NALF1: variants seen among roughly 807,000 people sequenced by gnomAD.
NALF1 encodes the protein family with sequence similarity 155 member A.
Under a neutral mutation model 48.4 loss-of-function variants are expected in NALF1, and 3 were observed. The observed-to-expected ratio is 0.06, with a 90% CI of 0.03 to 0.16. NALF1 has a LOEUF of 0.16. Ranked by LOEUF, NALF1 falls within the 10% of genes least tolerant of loss-of-function variation. The pLI, the probability that NALF1 is intolerant of heterozygous loss-of-function variation, is 1.00. For synonymous variants in NALF1, 262 were observed against 245.7 expected (o/e 1.07, Z -0.62); for missense variants, 526 against 571.5 (o/e 0.92, Z 0.81).
chr13:107,275,246 AT>A (rs943600093), intron 1 of NALF1, among the ~76,000 whole-genome samples: 4 of 152,040 alleles, frequency 2.6e-5, no homozygotes, highest in Non-Finnish European at 5.9e-5. Flanking sequence ...AAGTATCTAT[AT>A]TTTTTTATTT....
intron 1 of NALF1, among the ~76,000 whole-genome samples, chr13:107,415,276 C>A (rs1209651041): frequency 6.6e-6 from 1 of 152,000 alleles, no homozygotes; most frequent in Non-Finnish European, 1.5e-5. Flanking sequence ...CATAGTTAAT[C>A]AAAGAATATA....
intron 1 of NALF1, among the ~76,000 whole-genome samples, chr13:107,508,591 T>C (rs1875775454): frequency 6.6e-6 from 1 of 152,048 alleles, no homozygotes. Flanking sequence ...CTTTCACACA[T>C]TGACAATAAA....
chr13:107,854,284 AG>A (rs1880388629), intron 1 of NALF1, among the ~76,000 whole-genome samples: 1 of 152,262 alleles, frequency 6.6e-6, no homozygotes, highest in African/African-American at 2.4e-5. Context: ...ACCTCCAGAA[AG>A]CAGGTCACTT....
At chr13:107,856,675 T>C (rs541114313) in intron 1 of NALF1, among the ~76,000 whole-genome samples, 1 of 152,186 alleles carries the variant, frequency 6.6e-6, no homozygotes, top group Non-Finnish European at 1.5e-5. Flanking sequence ...GTTATTTTTT[T>C]ATGTGATGGA....
rs574981750 is a variant in NALF1 at position 107,501,996 on chromosome 13, T to A, written c.916-291241A>T. Reference sequence around the variant, plus strand: ...TTGTCATTTGCAGATAATATTTGACTGAGAACAACATGCAGATTGGTTTTA... The same window carrying A: ...TTGTCATTTGCAGATAATATTTGACAGAGAACAACATGCAGATTGGTTTTA... On this transcript the variant is annotated intron_variant, in intron 1 of 2. Coordinates refer to ENST00000375915, the MANE Select transcript of NALF1 (RefSeq NM_001080396.3). 4.5e-4 allele frequency among the ~76,000 whole-genome samples: 68 copies of A among 152,316 alleles called. No homozygotes were observed. The Middle Eastern group carries it at 0.01, about 23-fold the overall frequency.
intron 2 of NALF1, among the ~76,000 whole-genome samples, chr13:107,182,816 C>T (rs1047770009): frequency 2.4e-4 from 36 of 152,058 alleles, no homozygotes; most frequent in African/African-American, 8.2e-4. Flanking sequence ...TCATATATTC[C>T]CTCCATCCCA....
At chr13:107,395,001 T>C (rs1328200488) in intron 1 of NALF1, among the ~76,000 whole-genome samples, 3 of 152,168 alleles carry the variant, frequency 2.0e-5, no homozygotes, top group African/African-American at 7.2e-5. Context: ...CAACATCATT[T>C]TAACTTCACA....
intron 1 of NALF1, among the ~76,000 whole-genome samples, chr13:107,243,801 C>G (rs541816243): frequency 6.6e-6 from 1 of 152,134 alleles, no homozygotes; most frequent in Non-Finnish European, 1.5e-5. Flanking sequence ...AAAGCATAGC[C>G]TCTGCTGTGG....
intron 1 of NALF1, among the ~76,000 whole-genome samples, chr13:107,609,832 T>C (rs1013920475): frequency 1.9e-4 from 29 of 152,118 alleles, no homozygotes; most frequent in African/African-American, 6.8e-4. Flanking sequence ...AGACAAATAA[T>C]AATTACCAAA....
At chr13:107,762,570 A>C (rs1416911880) in intron 1 of NALF1, among the ~76,000 whole-genome samples, 1 of 152,150 alleles carries the variant, frequency 6.6e-6, no homozygotes, top group Non-Finnish European at 1.5e-5. Context: ...TATGGAGGTA[A>C]GGCGGAAGGC....
At position 107,521,159 on chromosome 13, in the gene NALF1, C is replaced by G. The variant is rs528953854; in HGVS notation, c.916-310404G>C. Among the ~76,000 whole-genome samples the G allele has an allele frequency of 2.6e-5, 4 of 152,324 alleles. No individual in the cohort carries two copies. In the East Asian group the frequency reaches 7.7e-4, roughly 29 times the overall value. On this transcript the variant is annotated intron_variant, in intron 1 of 2. Coordinates refer to ENST00000375915, the MANE Select transcript of NALF1 (RefSeq NM_001080396.3). ...TGCATCTTTAAACTGCGATGTGATA[C>G]TGGCTCTAATATAAAGAAATGCATC...
In NALF1 at chr13:107,210,493, T is replaced by C. The variant is rs3751448; in HGVS notation, c.1087+91A>G. 0.4 allele frequency: 359,667 copies of C among 895,116 alleles called. 75,720 individuals carry two copies. The highest frequency in any genetic ancestry group is 0.54 in the East Asian group (22,425 of 41,198). 55.4% of individuals were successfully genotyped at this position (895,116 alleles called of 1,614,324 possible). ...TACCAGCCGCATCTTCAAGGTTATATCAGTGAAAGGAAACAGCAAAGCAAA... is the reference window on the plus strand; with the variant it reads ...TACCAGCCGCATCTTCAAGGTTATACCAGTGAAAGGAAACAGCAAAGCAAA... On this transcript the variant is annotated intron_variant, in intron 2 of 2. Coordinates refer to ENST00000375915, the MANE Select transcript of NALF1 (RefSeq NM_001080396.3).
intron 1 of NALF1, among the ~76,000 whole-genome samples, chr13:107,363,235 T>C (rs1331217596): frequency 6.6e-6 from 1 of 152,208 alleles, no homozygotes; most frequent in Non-Finnish European, 1.5e-5. Context: ...TACAATCTTA[T>C]TCAGAACACT....
At chr13:107,693,461 T>C (rs764017400) in intron 1 of NALF1, among the ~76,000 whole-genome samples, 6 of 152,050 alleles carry the variant, frequency 3.9e-5, no homozygotes, top group Non-Finnish European at 8.8e-5. Context: ...CCCTAGAACT[T>C]AAAGTATAAT....
At chr13:107,759,717 T>C (rs1278629836) in intron 1 of NALF1, among the ~76,000 whole-genome samples, 1 of 151,986 alleles carries the variant, frequency 6.6e-6, no homozygotes, top group Admixed American at 6.6e-5. Flanking sequence ...TCTCTGTCCA[T>C]CCTCTCTGTT....
In NALF1 at chr13:107,791,004, AC is replaced by A. The variant is rs145589768; in HGVS notation, c.915+74677del. 3.8e-3 allele frequency among the ~76,000 whole-genome samples: 583 copies of A among 152,268 alleles called. 2 individuals carry two copies. Among genetic ancestry groups the A allele is most frequent in the African/African-American group, 0.014 (570 of 41,554 alleles). ...ATCCTGGAAGGAGATGGTGAAAACT[AC>A]CCACAAACCTAAAAATGTTATTAGT... On this transcript the variant is annotated intron_variant, in intron 1 of 2. Coordinates refer to ENST00000375915, the MANE Select transcript of NALF1 (RefSeq NM_001080396.3).
chr13:107,534,893 C>T (rs2139112019), intron 1 of NALF1, among the ~76,000 whole-genome samples: 1 of 152,240 alleles, frequency 6.6e-6, no homozygotes. Context: ...GACTCAAACG[C>T]ATCCACATAC....
chr13:107,803,588 C>T (rs893457693), intron 1 of NALF1, among the ~76,000 whole-genome samples: 1 of 151,988 alleles, frequency 6.6e-6, no homozygotes, highest in East Asian at 1.9e-4. Flanking sequence ...TCATGTTTTC[C>T]AGTGCAGAGC....
chr13:107,505,709 A>G (rs1384123440), intron 1 of NALF1, among the ~76,000 whole-genome samples: 2 of 152,194 alleles, frequency 1.3e-5, no homozygotes, highest in African/African-American at 2.4e-5. Context: ...TCTTACGTAA[A>G]TAAACAGAGA....
Sources: gnomAD v4.1 joint callset for allele counts (sites outside exome capture counted in the v4.1 genomes callset) on GRCh38, gnomAD v4.1.1 for gene constraint, MANE v1.5 for transcripts, NCBI Gene and HGNC (gene_info 2026-07-23, HGNC 2026-07-21) for gene names.